Variants in SPTLC2 observed in about 807,000 individuals in gnomAD.
SPTLC2 encodes serine palmitoyltransferase 2.
SPTLC2 carries 21 observed loss-of-function variants against 62.0 expected under a neutral mutation model. The ratio of observed to expected loss-of-function variants is 0.34; its 90% confidence interval spans 0.24 to 0.49. The LOEUF (loss-of-function observed/expected upper bound fraction) is 0.49, where lower values mean the gene tolerates loss of function less well. Among genes scored for constraint, SPTLC2 ranks in the 20% least tolerant of loss-of-function variants. SPTLC2 has a pLI of 0.99. For missense variants in SPTLC2, 511 were observed against 713.0 expected (o/e 0.72, Z 3.23); for synonymous variants, 261 against 261.8 (o/e 1.00, Z 0.03).
In SPTLC2 at chr14:77,531,504, C is replaced by T. The variant is rs11849669; in HGVS notation, c.1304-9923G>A. ...CCCCCTCCTCCTCCTCCTCCTCCTC[C>T]TCCTCTTCTTCTTCTTCTTCTTTTT... On this transcript the variant is annotated intron_variant, in intron 9 of 11. Coordinates refer to ENST00000216484, the MANE Select transcript of SPTLC2 (RefSeq NM_004863.4). 2.5e-3 allele frequency among the ~76,000 whole-genome samples: 188 copies of T among 76,280 alleles called. 2 individuals carry two copies. The highest frequency in any genetic ancestry group is 3.4e-3 in the African/African-American group (58 of 17,158). The allele number at this position is 76,280 out of a possible 152,430, so 50.0% of individuals were successfully genotyped here.
intron 9 of SPTLC2, among the ~76,000 whole-genome samples, chr14:77,532,891 T>A (rs1018949750): frequency 4.6e-5 from 7 of 152,114 alleles, no homozygotes; most frequent in Non-Finnish European, 1.5e-5. Flanking sequence ...ATTATGAGGA[T>A]ACAATGGAGT....
At chr14:77,588,179 C>T (rs1408531622) in intron 2 of SPTLC2, among the ~76,000 whole-genome samples, 1 of 152,152 alleles carries the variant, frequency 6.6e-6, no homozygotes, top group Non-Finnish European at 1.5e-5. Flanking sequence ...CTCAAACAAT[C>T]CTCCTGCCTC....
chr14:77,533,354 A>T (rs573051225), intron 9 of SPTLC2, among the ~76,000 whole-genome samples: 1 of 152,082 alleles, frequency 6.6e-6, no homozygotes, highest in Admixed American at 6.6e-5. Context: ...ATAGCAATGT[A>T]TAACAAAGTC....
chr14:77,588,070 G>A (rs928636703), intron 2 of SPTLC2, among the ~76,000 whole-genome samples: 1 of 151,938 alleles, frequency 6.6e-6, no homozygotes, highest in Non-Finnish European at 1.5e-5. Flanking sequence ...AAGTAGCCAG[G>A]ACTACATACA....
chr14:77,616,095 C>T lies in SPTLC2; in HGVS notation c.132+353G>A, dbSNP rs186299459. Reference sequence around the variant, plus strand: ...CCTCAGGGGTTTGAGAAGGGACCCTCCGGAGCCCTTGGGCGGCTCCCACTG... The same window carrying T: ...CCTCAGGGGTTTGAGAAGGGACCCTTCGGAGCCCTTGGGCGGCTCCCACTG... On this transcript the variant is annotated intron_variant, in intron 1 of 11. Coordinates refer to ENST00000216484, the MANE Select transcript of SPTLC2 (RefSeq NM_004863.4). Among the ~76,000 whole-genome samples, 550 of 152,348 alleles carry T rather than the reference C, an allele frequency of 3.6e-3. 3 individuals are homozygous for T. Among genetic ancestry groups the T allele is most frequent in the African/African-American group, 0.013 (526 of 41,588 alleles).
intron 2 of SPTLC2, among the ~76,000 whole-genome samples, chr14:77,583,780 A>T (rs2079766571): frequency 1.3e-5 from 2 of 152,170 alleles, no homozygotes; most frequent in South Asian, 4.2e-4. Flanking sequence ...AGAAACACAC[A>T]AATAAATACA....
rs758351187 is a variant in SPTLC2 at position 77,555,283 on chromosome 14, T to TCTCATGG, written c.1176+10_1176+16dup. The TCTCATGG allele has an allele frequency of 6.2e-7, 1 of 1,614,004 alleles. No homozygotes were observed. Among genetic ancestry groups the TCTCATGG allele is most frequent in the South Asian group, 1.1e-5 (1 of 91,046 alleles). On this transcript the variant is annotated intron_variant, in intron 8 of 11. Coordinates refer to ENST00000216484, the MANE Select transcript of SPTLC2 (RefSeq NM_004863.4). ...AGTGACTTTATCTCTAATCGCTCAT[T>TCTCATGG]CTCATGGCTCGTTTACCTTCTTGCC...
Position 77,522,848 on chromosome 14 carries a change from G to C in SPTLC2, c.1304-1267C>G, listed in dbSNP as rs557201615. On this transcript the variant is annotated intron_variant, in intron 9 of 11. Transcript: ENST00000216484. ...AGTCCAAGCATGATACATGACATAA[G>C]TTCTTATGACAAATTAACCAGACAT... Among the ~76,000 whole-genome samples, 9 of 152,266 alleles carry C rather than the reference G, an allele frequency of 5.9e-5. No homozygotes were observed. In the East Asian group the frequency reaches 1.7e-3, roughly 29 times the overall value.
chr14:77,516,146 A>C (rs2079358875), intron 11 of SPTLC2, among the ~76,000 whole-genome samples: 1 of 152,240 alleles, frequency 6.6e-6, no homozygotes, highest in Non-Finnish European at 1.5e-5. Context: ...ACATCATAAG[A>C]CAAAATGACT....
intron 2 of SPTLC2, among the ~76,000 whole-genome samples, chr14:77,593,686 C>CATAGTTAA: frequency 6.6e-6 from 1 of 152,140 alleles, no homozygotes; most frequent in South Asian, 2.1e-4. Flanking sequence ...AAAGAATTAA[C>CATAGTTAA]ACAGTTAAAC....
chr14:77,583,223 A>C (rs1184569427), intron 2 of SPTLC2, among the ~76,000 whole-genome samples: 1 of 149,736 alleles, frequency 6.7e-6, no homozygotes, highest in African/African-American at 2.4e-5. Context: ...ATAAATAAAT[A>C]AATAAATAAA....
chr14:77,604,185 C>T (rs2079892630), intron 1 of SPTLC2, among the ~76,000 whole-genome samples: 1 of 152,148 alleles, frequency 6.6e-6, no homozygotes, highest in Non-Finnish European at 1.5e-5. Context: ...GCAGCACAGA[C>T]ACCTCTGCCG....
At chr14:77,531,448 TC>T (rs1230114657) in intron 9 of SPTLC2, among the ~76,000 whole-genome samples, 37 of 138,112 alleles carry the variant, frequency 2.7e-4, no homozygotes, top group African/African-American at 9.8e-4. Context: ...CTTCTTCTCC[TC>T]CTTCTCCTCC....
intron 4 of SPTLC2, among the ~76,000 whole-genome samples, chr14:77,573,813 G>A (rs577943225): frequency 8.5e-5 from 13 of 152,270 alleles, no homozygotes; most frequent in African/African-American, 2.9e-4. Context: ...TGTATTTCCA[G>A]TAAAGACAGG....
intron 2 of SPTLC2, among the ~76,000 whole-genome samples, chr14:77,580,149 G>T (rs965434044): frequency 8.6e-5 from 13 of 151,854 alleles, no homozygotes; most frequent in African/African-American, 3.1e-4. Flanking sequence ...CAAATCCAAA[G>T]AGAAAATAAT....
intron 9 of SPTLC2, chr14:77,547,873 T>C (rs2079537225): frequency 3.6e-5 from 3 of 83,044 alleles, no homozygotes; most frequent in South Asian, 1.1e-3. Context: ...TCCTGGAATG[T>C]CTTTTTTTTT....
At chr14:77,561,443 C>CAACTAAAAA (rs1181551115) in intron 6 of SPTLC2, among the ~76,000 whole-genome samples, 3 of 151,956 alleles carry the variant, frequency 2.0e-5, no homozygotes, top group Non-Finnish European at 4.4e-5. Context: ...AACTCCGTCC[C>CAACTAAAAA]TACTAAAAAT....
intron 7 of SPTLC2, among the ~76,000 whole-genome samples, chr14:77,556,668 A>T (rs1457431814): frequency 6.6e-6 from 1 of 152,168 alleles, no homozygotes; most frequent in African/African-American, 2.4e-5. Flanking sequence ...TTGGGATTAC[A>T]GGCGTGAGCC....
rs6145397 is a variant in SPTLC2, at chr14:77,564,400, TACACACACACACACACACACACACAC to T, written c.757-1937_757-1912del. Reference sequence around the variant, plus strand: ...TGGCTTTCAAATCTTTATGCATGCATACACACACACACACACACACACACACACACACACACACACACACACACACA... The same window carrying T: ...TGGCTTTCAAATCTTTATGCATGCATACACACACACACACACACACACACA... On this transcript the variant is annotated intron_variant, in intron 5 of 11. Transcript: ENST00000216484. Among the ~76,000 whole-genome samples the T allele has an allele frequency of 4.2e-4, 58 of 139,402 alleles. 1 individual carries two copies. Among genetic ancestry groups the T allele is most frequent in the African/African-American group, 1.4e-3 (50 of 36,700 alleles). The allele number at this position is 139,402 out of a possible 152,430, so 91.5% of individuals were successfully genotyped here. A position where few individuals can be genotyped will look rare whatever the true frequency, so the allele number is the denominator to read the frequency against.
Sources: allele counts gnomAD v4.1 joint callset (sites outside exome capture counted in the v4.1 genomes callset), GRCh38; gene constraint gnomAD v4.1.1; transcripts MANE v1.5; gene names NCBI Gene and HGNC (gene_info 2026-07-23, HGNC 2026-07-21).